Variants in ARHGAP15 observed in about 807,000 individuals in gnomAD.
ARHGAP15 encodes the protein rho GTPase-activating protein 15.
In ARHGAP15, 51 loss-of-function variants were observed where a neutral mutation model predicts 63.7. The ratio of observed to expected loss-of-function variants is 0.80; its 90% confidence interval spans 0.64 to 1.01. The LOEUF (loss-of-function observed/expected upper bound fraction) is 1.01, where lower values mean the gene tolerates loss of function less well. Among genes scored for constraint, ARHGAP15 ranks in the 50% least tolerant of loss-of-function variants. The pLI, the probability that ARHGAP15 is intolerant of heterozygous loss-of-function variation, is 0.00. For missense variants in ARHGAP15, 560 were observed against 564.6 expected (o/e 0.99, Z 0.08); for synonymous variants, 191 against 193.8 (o/e 0.99, Z 0.12).
chr2:143,651,190 G>C (rs1681145440), intron 12 of ARHGAP15, among the ~76,000 whole-genome samples: 1 of 151,890 alleles, frequency 6.6e-6, no homozygotes, highest in Admixed American at 6.6e-5. Flanking sequence ...TAATACAAAG[G>C]TAAAATTGTT....
intron 12 of ARHGAP15, chr2:143,648,700 GAA>G (rs1486091010): frequency 4.6e-5 from 7 of 151,964 alleles, no homozygotes; most frequent in Admixed American, 4.6e-4. Flanking sequence ...ATTTCTAAAT[GAA>G]AAGAGTTACC....
intron 3 of ARHGAP15, among the ~76,000 whole-genome samples, chr2:143,214,400 G>T (rs1164956701): frequency 6.6e-6 from 1 of 152,074 alleles, no homozygotes; most frequent in Non-Finnish European, 1.5e-5. Context: ...AAACATTTGT[G>T]GATACCAGTG....
chr2:143,180,267 G>T (rs577583299), intron 2 of ARHGAP15, among the ~76,000 whole-genome samples: 1 of 152,284 alleles, frequency 6.6e-6, no homozygotes, highest in South Asian at 2.1e-4. Flanking sequence ...TGTCGTTCCA[G>T]CGACATTCAC....
At chr2:143,166,001 A>AGAAGGAAG (rs1553442877) in intron 2 of ARHGAP15, among the ~76,000 whole-genome samples, 11,858 of 98,892 alleles carry the variant, frequency 0.12, 818 homozygotes, top group Middle Eastern at 0.17. Context: ...AAAGAAAGAA[A>AGAAGGAAG]GAAGGAAGGA....
intron 13 of ARHGAP15, among the ~76,000 whole-genome samples, chr2:143,704,497 G>A (rs904529194): frequency 2.0e-5 from 3 of 152,174 alleles, no homozygotes; most frequent in African/African-American, 7.2e-5. Flanking sequence ...TTGGGCAAGT[G>A]AAGAAGCGAT....
chr2:143,346,216 T>A (rs879436358), intron 6 of ARHGAP15, among the ~76,000 whole-genome samples: 1,388 of 128,008 alleles, frequency 0.011, 22 homozygotes, highest in African/African-American at 0.044. Flanking sequence ...ACACACACTC[T>A]CTCTCACACA....
intron 9 of ARHGAP15, among the ~76,000 whole-genome samples, chr2:143,502,560 G>A (rs1378812124): frequency 1.3e-5 from 2 of 152,024 alleles, no homozygotes; most frequent in Non-Finnish European, 2.9e-5. Flanking sequence ...GCTTCTGTGT[G>A]TGGATCGTTT....
At chr2:143,459,274 G>A (rs1018675456) in intron 8 of ARHGAP15, among the ~76,000 whole-genome samples, 1 of 151,010 alleles carries the variant, frequency 6.6e-6, no homozygotes, top group Non-Finnish European at 1.5e-5. Context: ...TCCAATCCAA[G>A]TTTTAGGATC....
At chr2:143,423,049 C>T (rs1436509945) in intron 6 of ARHGAP15, among the ~76,000 whole-genome samples, 3 of 152,088 alleles carry the variant, frequency 2.0e-5, no homozygotes, top group Admixed American at 2.0e-4. Flanking sequence ...AGCAGAGAAG[C>T]ATCTGTTGAG....
chr2:143,152,018 T>C (rs1167227732), intron 1 of ARHGAP15, among the ~76,000 whole-genome samples: 2 of 151,856 alleles, frequency 1.3e-5, no homozygotes, highest in East Asian at 3.9e-4. Context: ...CCATTCTCAA[T>C]TCATCCACAA....
chr2:143,490,371 T>C (rs1345535279), intron 9 of ARHGAP15, among the ~76,000 whole-genome samples: 6 of 152,126 alleles, frequency 3.9e-5, no homozygotes, highest in Admixed American at 3.3e-4. Context: ...GGGCTTTGAA[T>C]TCAACCAGCC....
chr2:143,188,336 G>C (rs1280527330), intron 2 of ARHGAP15, among the ~76,000 whole-genome samples: 1 of 151,838 alleles, frequency 6.6e-6, no homozygotes, highest in Non-Finnish European at 1.5e-5. Context: ...TGGAGTAAAT[G>C]ATTGCCTAAA....
In ARHGAP15 at chr2:143,748,672, G is replaced by T. The variant is rs552704802; in HGVS notation, c.1245-19317G>T. ...ACTGGGTTATTTTCCAGTACATTTG[G>T]CATAGTTAAGGTAAAGTGTATTAAC... On this transcript the variant is annotated intron_variant, in intron 13 of 13. Transcript: ENST00000295095. Among the ~76,000 whole-genome samples the T allele has an allele frequency of 3.9e-5, 6 of 152,262 alleles. No homozygotes were observed. In the South Asian group the frequency reaches 1.2e-3, roughly 32 times the overall value.
At chr2:143,265,142 C>T (rs990248071) in intron 6 of ARHGAP15, among the ~76,000 whole-genome samples, 6 of 151,942 alleles carry the variant, frequency 3.9e-5, no homozygotes, top group South Asian at 4.2e-4. Context: ...AGAAAATGCT[C>T]ATGGAACAGG....
At chr2:143,315,268 T>C (rs1388177549) in intron 6 of ARHGAP15, among the ~76,000 whole-genome samples, 1 of 152,204 alleles carries the variant, frequency 6.6e-6, no homozygotes, top group African/African-American at 2.4e-5. Context: ...TCCCTATACA[T>C]ATAACATTAC....
intron 11 of ARHGAP15, among the ~76,000 whole-genome samples, chr2:143,596,680 C>G (rs1697530658): frequency 6.6e-6 from 1 of 151,864 alleles, no homozygotes; most frequent in African/African-American, 2.4e-5. Context: ...AATGGTTATC[C>G]TTACTTGTAT....
intron 6 of ARHGAP15, among the ~76,000 whole-genome samples, chr2:143,348,836 G>A (rs1288105038): frequency 6.6e-6 from 1 of 152,142 alleles, no homozygotes; most frequent in Admixed American, 6.6e-5. Context: ...TGCTGAAAAT[G>A]CCAGATCCTT....
chr2:143,130,537 G>A (rs913472645), intron 1 of ARHGAP15, among the ~76,000 whole-genome samples: 2 of 152,040 alleles, frequency 1.3e-5, no homozygotes, highest in Admixed American at 6.5e-5. Flanking sequence ...TTGATAAGTG[G>A]CAACAATTTT....
chr2:143,323,943 C>T (rs1054415036), intron 6 of ARHGAP15, among the ~76,000 whole-genome samples: 4 of 129,128 alleles, frequency 3.1e-5, no homozygotes, highest in Non-Finnish European at 6.4e-5. Context: ...AGGCAGACAA[C>T]GGGCCATGTA....
Sources: allele counts gnomAD v4.1 joint callset (sites outside exome capture counted in the v4.1 genomes callset), GRCh38; gene constraint gnomAD v4.1.1; transcripts MANE v1.5; gene names NCBI Gene and HGNC (gene_info 2026-07-23, HGNC 2026-07-21).